SYNJ2: variants seen among roughly 807,000 people sequenced by gnomAD.
The protein encoded by SYNJ2 is polyphosphatidylinositol phosphatase SYNJ2.
SYNJ2 carries 116 observed loss-of-function variants against 141.3 expected under a neutral mutation model. The ratio of observed to expected loss-of-function variants is 0.82; its 90% CI spans 0.71 to 0.96. SYNJ2 has a LOEUF of 0.96. Ranked by LOEUF, SYNJ2 falls within the 40% of genes least tolerant of loss-of-function variation. SYNJ2 has a pLI of 0.00. For synonymous variants in SYNJ2, 745 were observed against 777.7 expected, an observed-to-expected ratio of 0.96 and a Z score of 0.70; for missense variants, 1,873 against 1,934.8, an observed-to-expected ratio of 0.97 and a Z score of 0.60.
At chr6:158,026,164 C>T (rs539435142) in intron 2 of SYNJ2, among the ~76,000 whole-genome samples, 123 of 152,242 alleles carry the variant, frequency 8.1e-4, no homozygotes, top group Middle Eastern at 3.4e-3. Flanking sequence ...GACAGTCATG[C>T]GTGTGTGAAA....
chr6:157,997,188 T>C (rs1286074810), intron 1 of SYNJ2, among the ~76,000 whole-genome samples: 2 of 152,146 alleles, frequency 1.3e-5, no homozygotes, highest in Non-Finnish European at 2.9e-5. Context: ...CTTACGTGGG[T>C]GTCTTCTGTT....
At chr6:158,025,685 G>A (rs1335251079) in intron 2 of SYNJ2, among the ~76,000 whole-genome samples, 1 of 150,314 alleles carries the variant, frequency 6.7e-6, no homozygotes, top group East Asian at 2.0e-4. Context: ...GGGCGTGGTG[G>A]CTCACGCCTG....
At chr6:158,048,393 T>A (rs1327177917) in intron 5 of SYNJ2, among the ~76,000 whole-genome samples, 2 of 152,124 alleles carry the variant, frequency 1.3e-5, no homozygotes, top group Non-Finnish European at 2.9e-5. Context: ...GGGTAGCTTC[T>A]TGAAGTCCTG....
Position 158,033,459 on chromosome 6 carries a change from C to T in SYNJ2, c.490C>T (p.Gln164Ter), listed in dbSNP as rs1562341636. The T allele has an allele frequency of 6.2e-7, 1 of 1,613,898 alleles. No homozygotes were observed. Among genetic ancestry groups the T allele is most frequent in the Admixed American group, 1.7e-5 (1 of 60,022 alleles). ...GTGTGGGACTGTGTTTTGCAGGAAC[C>T]AGCTGTTGCACGTGCCCTTGAGGCA... ...SEWGNSFFWN[Q>*]LLHVPLRQHQ... The change falls in exon 4 of 27, where the codon CAG becomes TAG. Residue 164 changes from glutamine (Q) to a stop codon, truncating the protein, a stop_gained. Transcript: ENST00000355585. LOFTEE classifies it high-confidence loss of function.
rs557932527 is a variant in SYNJ2, at chr6:158,097,660, G to C, written c.*1296G>C. 2 of 152,274 alleles carry C rather than the reference G, an allele frequency of 1.3e-5. No individual in the cohort carries two copies. The highest frequency in any genetic ancestry group is 4.1e-4 in the South Asian group (2 of 4,824). The allele number at this position is 152,274 out of a possible 1,614,324, so 9.4% of individuals were successfully genotyped here. On this transcript the variant is annotated 3_prime_UTR_variant, in exon 27 of 27. Transcript: ENST00000355585. ...GTCTGTCCTAAAAGCTGACTGCTAG[G>C]ATAGTAAGGATCATCTTGCCTGGGC...
At chr6:158,069,147 C>G (rs929878798) in intron 13 of SYNJ2, among the ~76,000 whole-genome samples, 17 of 151,980 alleles carry the variant, frequency 1.1e-4, no homozygotes, top group Non-Finnish European at 7.4e-5. Context: ...TCCTGCACAC[C>G]AGGGCAAAGG....
rs772251123 is a variant in SYNJ2, at chr6:158,040,741, C to T, written c.712-2575C>T. 2.0e-5 allele frequency among the ~76,000 whole-genome samples: 3 copies of T among 152,142 alleles called. No homozygotes were observed. The highest frequency in any genetic ancestry group is 2.1e-4 in the South Asian group (1 of 4,826). ...ACCCCTGTGAGTTTTCCTGCCTCGT[C>T]GCTCTCTTTTTATGGCCATTAGGTT... is the stretch of plus-strand genomic sequence containing the variant. On this transcript the variant is annotated intron_variant, in intron 4 of 26. Coordinates refer to ENST00000355585, the MANE Select transcript of SYNJ2 (RefSeq NM_003898.4). The surrounding 1 kb of genome is among the most constrained non-coding windows in gnomAD (Gnocchi z 4.2).
In SYNJ2 at chr6:158,081,236, C is replaced by T. The variant is rs1402355692; in HGVS notation, c.2695C>T (p.Pro899Ser). ...DATVVVNLQS[P>S]TLEEKNEFPE... ...CACTGTTGTAGTAAACCTTCAATCACCGACCTTAGAAGAGAAAAACGAGTT... is the reference window on the plus strand; with the variant it reads ...CACTGTTGTAGTAAACCTTCAATCATCGACCTTAGAAGAGAAAAACGAGTT... Residue 899 changes from proline (P) to serine (S), a missense_variant, in exon 19 of 27, where the codon CCG becomes TCG. Physicochemically the swap from Pro to Ser is moderately conservative, Grantham distance 74 (BLOSUM62 -1). Transcript: ENST00000355585. The T allele has an allele frequency of 6.2e-7, 1 of 1,614,036 alleles. No individual in the cohort carries two copies.
intron 5 of SYNJ2, among the ~76,000 whole-genome samples, chr6:158,052,629 C>A (rs997469916): frequency 3.4e-4 from 52 of 152,162 alleles, no homozygotes; most frequent in African/African-American, 1.2e-3. Flanking sequence ...CTCCTGTGAA[C>A]CAGCAAGAAC....
At position 157,981,971 on chromosome 6, in the gene SYNJ2, AGCAAAGGGCTGCG is replaced by A; in HGVS notation, c.13_25del (p.Lys5CysfsTer59). On this transcript the variant is annotated frameshift_variant, in exon 1 of 27. Transcript: ENST00000355585. LOFTEE classifies it high-confidence loss of function. The surrounding 1 kb of genome is among the most constrained non-coding windows in gnomAD (Gnocchi z 6.4). ...AGTGGGCCCGACCCTCATGGCCCTG[AGCAAAGGGCTGCG>A]GCTGCTGGGGCGCCTGGGGGCCGAG... 7.9e-7 allele frequency: 1 copy of A among 1,260,822 alleles called. No individual in the cohort carries two copies. Among genetic ancestry groups the A allele is most frequent in the South Asian group, 3.0e-5 (1 of 33,894 alleles). The allele number at this position is 1,260,822 out of a possible 1,614,324, so 78.1% of individuals were successfully genotyped here.
Position 158,078,243 on chromosome 6 carries a change from G to A in SYNJ2, c.2529G>A (p.Gln843=), listed in dbSNP as rs1201047613. ...VRHTWSPGAL[Q]YYGRAELQAS... ...ACACCTGGTCTCCTGGTGCCCTGCAGTATTATGGTCGTGCGGAGCTACAAG... is the reference window on the plus strand; with the variant it reads ...ACACCTGGTCTCCTGGTGCCCTGCAATATTATGGTCGTGCGGAGCTACAAG... The change falls in exon 18 of 27, where the codon CAG becomes CAA. Residue 843 remains glutamine (Q), a synonymous_variant. Coordinates refer to ENST00000355585, the MANE Select transcript of SYNJ2 (RefSeq NM_003898.4). 3 of 1,613,958 alleles carry A rather than the reference G, an allele frequency of 1.9e-6. No individual in the cohort carries two copies. Among genetic ancestry groups the A allele is most frequent in the Non-Finnish European group, 8.5e-7 (1 of 1,179,944 alleles).
rs1352707215 is a variant in SYNJ2, at chr6:158,040,526, A to G, written c.712-2790A>G. ...AAAAACAAGACCAAAAAGTCCCCTC[A>G]GTCTATTAAAAAAAAAAAAGGATGT... On this transcript the variant is annotated intron_variant, in intron 4 of 26. Coordinates refer to ENST00000355585, the MANE Select transcript of SYNJ2 (RefSeq NM_003898.4). The surrounding 1 kb of genome is among the most constrained non-coding windows in gnomAD (Gnocchi z 4.2). 6.7e-6 allele frequency among the ~76,000 whole-genome samples: 1 copy of G among 148,582 alleles called. No homozygotes were observed. The highest frequency in any genetic ancestry group is 6.6e-5 in the Admixed American group (1 of 15,200).
In SYNJ2 at chr6:158,083,918, G is replaced by A. The variant is rs372514516; in HGVS notation, c.3035-83G>A. 145 of 1,506,774 alleles carry A rather than the reference G, an allele frequency of 9.6e-5. 3 individuals carry two copies. In the Admixed American group the frequency reaches 2.1e-3, roughly 22 times the overall value. 93.3% of individuals were successfully genotyped at this position (1,506,774 alleles called of 1,614,324 possible). On this transcript the variant is annotated intron_variant, in intron 21 of 26. Transcript: ENST00000355585. ...GCAGGGTGCACGTGTCCTGACAGGAGCTGAACCAGTCCCACTGATGGAAGA... is the reference window on the plus strand; with the variant it reads ...GCAGGGTGCACGTGTCCTGACAGGAACTGAACCAGTCCCACTGATGGAAGA...
chr6:158,030,891 T>A (rs1305739800), intron 3 of SYNJ2: 2 of 152,162 alleles, frequency 1.3e-5, no homozygotes, highest in African/African-American at 4.8e-5. Context: ...TGAGACTCTG[T>A]CTCAAAATAA....
At chr6:158,012,295 G>A (rs1383848682) in intron 1 of SYNJ2, among the ~76,000 whole-genome samples, 3 of 152,216 alleles carry the variant, frequency 2.0e-5, no homozygotes, top group Non-Finnish European at 2.9e-5. Flanking sequence ...ATGGCAGGAG[G>A]ACTTTGCAGA....
At chr6:158,052,152 A>G (rs1047178954) in intron 5 of SYNJ2, among the ~76,000 whole-genome samples, 1 of 152,234 alleles carries the variant, frequency 6.6e-6, no homozygotes, top group Admixed American at 6.5e-5. Flanking sequence ...ATCTCATAAC[A>G]TAGATAAATC....
intron 1 of SYNJ2, among the ~76,000 whole-genome samples, chr6:157,999,709 A>G (rs1043248482): frequency 1.3e-5 from 2 of 152,172 alleles, no homozygotes; most frequent in African/African-American, 4.8e-5. Context: ...TCCTGCTTCT[A>G]AAGGCCAGGG....
Position 158,043,186 on chromosome 6 carries a change from C to T in SYNJ2, c.712-130C>T, listed in dbSNP as rs1055463265. The T allele has an allele frequency of 5.3e-5, 38 of 722,330 alleles. No individual in the cohort carries two copies. Among genetic ancestry groups the T allele is most frequent in the East Asian group, 1.1e-4 (4 of 36,352 alleles). 44.7% of individuals were successfully genotyped at this position (722,330 alleles called of 1,614,324 possible). Reference sequence around the variant, plus strand: ...CATTGCCGGATGGGGGAGCAGAGGACGCCGGAGTCCACCGTCCGCCCTTCA... The same window carrying T: ...CATTGCCGGATGGGGGAGCAGAGGATGCCGGAGTCCACCGTCCGCCCTTCA... On this transcript the variant is annotated intron_variant, in intron 4 of 26. Transcript: ENST00000355585. This position sits in a 1 kb window ranked among gnomAD's most constrained non-coding sequence, Gnocchi z 4.0.
At chr6:158,026,242 A>C (rs1779041108) in intron 2 of SYNJ2, among the ~76,000 whole-genome samples, 1 of 152,180 alleles carries the variant, frequency 6.6e-6, no homozygotes, top group Admixed American at 6.5e-5. Context: ...AAGGAGGTGT[A>C]ATTAGGAGCA....
Sources: gnomAD v4.1 joint callset for allele counts (sites outside exome capture counted in the v4.1 genomes callset) on GRCh38, gnomAD v4.1.1 for gene constraint, Gnocchi (gnomAD v3.1) non-coding constraint, MANE v1.5 for transcripts, NCBI Gene and HGNC (gene_info 2026-07-23, HGNC 2026-07-21) for gene names.